ABLIM2: variants seen among roughly 807,000 people sequenced by gnomAD.
ABLIM2 encodes actin binding LIM protein family member 2.
Under a neutral mutation model 97.7 loss-of-function variants are expected in ABLIM2, and 53 were observed. That is an observed-to-expected ratio of 0.54 (90% CI 0.44 to 0.68). The LOEUF is 0.68. ABLIM2 is among the 30% of genes least tolerant of loss of function. The pLI is 0.00. For synonymous variants in ABLIM2, 361 were observed against 345.8 expected, an observed-to-expected ratio of 1.04 and a Z score of -0.49; for missense variants, 835 against 867.2, an observed-to-expected ratio of 0.96 and a Z score of 0.47.
Position 8,125,744 on chromosome 4 carries a change from G to A in ABLIM2, c.11-19107C>T, listed in dbSNP as rs2152908608. 6.6e-6 allele frequency among the ~76,000 whole-genome samples: 1 copy of A among 152,312 alleles called. No individual in the cohort carries two copies. Among genetic ancestry groups the A allele is most frequent in the African/African-American group, 2.4e-5 (1 of 41,574 alleles). Reference sequence around the variant, plus strand: ...AGCTGGAGAGGCCCGCCCAGCCTCTGCCATGGAAACTCCATCTGGGACACG... The same window carrying A: ...AGCTGGAGAGGCCCGCCCAGCCTCTACCATGGAAACTCCATCTGGGACACG... On this transcript the variant is annotated intron_variant, in intron 1 of 20. Transcript: ENST00000447017. This position sits in a 1 kb window ranked among gnomAD's most constrained non-coding sequence, Gnocchi z 6.2.
intron 1 of ABLIM2, among the ~76,000 whole-genome samples, chr4:8,118,430 T>A (rs1159883191): frequency 1.3e-5 from 2 of 152,170 alleles, no homozygotes; most frequent in African/African-American, 4.8e-5. Flanking sequence ...CAGTTTCTAA[T>A]CTGAGTCGGC....
rs1372052493 is a variant in ABLIM2, at chr4:8,044,821, G to A, written c.900+343C>T. On this transcript the variant is annotated intron_variant, in intron 9 of 20. Transcript: ENST00000447017. This position sits in a 1 kb window ranked among gnomAD's most constrained non-coding sequence, Gnocchi z 4.4. The stretch of plus-strand genomic sequence containing the variant: ...TTATTTGCAAACTCTGCAGGGTCCC[G>A]CCTGGGTGTCTGGCAAGCCCCAACT... 6.6e-6 allele frequency among the ~76,000 whole-genome samples: 1 copy of A among 152,132 alleles called. No homozygotes were observed. The highest frequency in any genetic ancestry group is 1.5e-5 in the Non-Finnish European group (1 of 68,038).
rs1004280283 is a variant in ABLIM2 at position 8,032,019 on chromosome 4, G to A, written c.1048-2243C>T. On this transcript the variant is annotated intron_variant, in intron 10 of 20. Coordinates refer to ENST00000447017, the MANE Select transcript of ABLIM2 (RefSeq NM_001130083.2). This position sits in a 1 kb window ranked among gnomAD's most constrained non-coding sequence, Gnocchi z 4.3. The stretch of plus-strand genomic sequence containing the variant: ...TGGGATTACAGGTGTGAGCCACCAC[G>A]CCCAGCCTATGAAATGTTTACAATG... Among the ~76,000 whole-genome samples, 11 of 152,024 alleles carry A rather than the reference G, an allele frequency of 7.2e-5. No individual in the cohort carries two copies. Among genetic ancestry groups the A allele is most frequent in the African/African-American group, 2.4e-4 (10 of 41,448 alleles).
intron 8 of ABLIM2, among the ~76,000 whole-genome samples, chr4:8,051,392 A>AG (rs1795961680): frequency 6.6e-6 from 1 of 151,256 alleles, no homozygotes; most frequent in Admixed American, 6.6e-5. Context: ...ACTAAAAAAA[A>AG]AAGAAAATAC....
chr4:8,133,039 G>C (rs1849650422), intron 1 of ABLIM2, among the ~76,000 whole-genome samples: 3 of 152,152 alleles, frequency 2.0e-5, no homozygotes, highest in Non-Finnish European at 2.9e-5. Context: ...AGGCTCTGGG[G>C]CTCTGGGAAG....
intron 9 of ABLIM2, 41 bp downstream of exon 9, chr4:8,045,123 C>A: frequency 6.3e-7 from 1 of 1,586,248 alleles, no homozygotes; most frequent in Non-Finnish European, 8.7e-7. Context: ...CTTCTCTCTC[C>A]ACCCTCCCAC....
At position 8,032,967 on chromosome 4, in the gene ABLIM2, T is replaced by C. The variant is rs1244303787; in HGVS notation, c.1047+3182A>G. 6.6e-6 allele frequency among the ~76,000 whole-genome samples: 1 copy of C among 152,176 alleles called. No homozygotes were observed. The highest frequency in any genetic ancestry group is 1.9e-4 in the East Asian group (1 of 5,188). Reference sequence around the variant, plus strand: ...CCTGGCCACCCCCACGTCCCACTGTTCTCCCACAAAGATGTGTTTTCCCAA... The same window carrying C: ...CCTGGCCACCCCCACGTCCCACTGTCCTCCCACAAAGATGTGTTTTCCCAA... On this transcript the variant is annotated intron_variant, in intron 10 of 20. Coordinates refer to ENST00000447017, the MANE Select transcript of ABLIM2 (RefSeq NM_001130083.2). This position sits in a 1 kb window ranked among gnomAD's most constrained non-coding sequence, Gnocchi z 4.3.
chr4:8,145,186 ATT>A (rs34290928), intron 1 of ABLIM2, among the ~76,000 whole-genome samples: 6 of 144,732 alleles, frequency 4.1e-5, no homozygotes, highest in African/African-American at 1.5e-4. Flanking sequence ...GCAGGTATTG[ATT>A]TTTTTTTTTT....
Position 8,071,857 on chromosome 4 carries a change from C to G in ABLIM2, c.675+5771G>C. On this transcript the variant is annotated intron_variant, in intron 6 of 20. Transcript: ENST00000447017. The surrounding 1 kb of genome is among the most constrained non-coding windows in gnomAD (Gnocchi z 6.2). ...AACGTGTGCCTGCGAGGGTGGACAC[C>G]CTCACCTTCAGCCAACAGTCTGTCA... The G allele has an allele frequency of 1.0e-6, 1 of 985,434 alleles. No homozygotes were observed. The highest frequency in any genetic ancestry group is 1.2e-6 in the Non-Finnish European group (1 of 829,964). The allele number at this position is 985,434 out of a possible 1,614,324, so 61.0% of individuals were successfully genotyped here. A position where few individuals can be genotyped will look rare whatever the true frequency, so the allele number is the denominator to read the frequency against.
chr4:8,073,162 C>T (rs545443907), intron 6 of ABLIM2, among the ~76,000 whole-genome samples: 29 of 149,542 alleles, frequency 1.9e-4, no homozygotes, highest in African/African-American at 6.2e-4. Context: ...GGATCAAGCA[C>T]GGCAGAGGGG....
In ABLIM2 at chr4:8,150,382, C is replaced by A. The variant is rs1712231110; in HGVS notation, c.10+8298G>T. The stretch of plus-strand genomic sequence containing the variant: ...TCCTTGGGTGTTCACGAAATGCCTC[C>A]TCTCATTCTACCTGAGTGGCTTTCA... On this transcript the variant is annotated intron_variant, in intron 1 of 20. Coordinates refer to ENST00000447017, the MANE Select transcript of ABLIM2 (RefSeq NM_001130083.2). The surrounding 1 kb of genome is among the most constrained non-coding windows in gnomAD (Gnocchi z 6.3). 6.6e-6 allele frequency among the ~76,000 whole-genome samples: 1 copy of A among 152,204 alleles called. No homozygotes were observed. Among genetic ancestry groups the A allele is most frequent in the Non-Finnish European group, 1.5e-5 (1 of 68,032 alleles).
At chr4:8,028,534 T>C (rs1201361283) in intron 11 of ABLIM2, among the ~76,000 whole-genome samples, 1 of 149,012 alleles carries the variant, frequency 6.7e-6, no homozygotes, top group East Asian at 1.9e-4. Context: ...GACTCATTCA[T>C]TAATTCATTC....
Position 7,998,330 on chromosome 4 carries a change from T to G in ABLIM2, c.1619-5403A>C, listed in dbSNP as rs1754804028. 6.6e-6 allele frequency among the ~76,000 whole-genome samples: 1 copy of G among 152,220 alleles called. No individual in the cohort carries two copies. Among genetic ancestry groups the G allele is most frequent in the Admixed American group, 6.5e-5 (1 of 15,274 alleles). ...TTAAATCCTCTATTTGAGCAGGCTGTCACCCTGTTTAGGTTTCGCGTGTAC... is the reference window on the plus strand; with the variant it reads ...TTAAATCCTCTATTTGAGCAGGCTGGCACCCTGTTTAGGTTTCGCGTGTAC... On this transcript the variant is annotated intron_variant, in intron 16 of 20. Coordinates refer to ENST00000447017, the MANE Select transcript of ABLIM2 (RefSeq NM_001130083.2). This position sits in a 1 kb window ranked among gnomAD's most constrained non-coding sequence, Gnocchi z 6.4.
Position 7,980,941 on chromosome 4 carries a change from A to ATTTTT in ABLIM2, c.1824+2318_1824+2322dup, listed in dbSNP as rs1167615555. 4.9e-4 allele frequency among the ~76,000 whole-genome samples: 41 copies of ATTTTT among 82,972 alleles called. 7 individuals are homozygous for ATTTTT. Among genetic ancestry groups the ATTTTT allele is most frequent in the East Asian group, 2.8e-3 (5 of 1,780 alleles). 54.4% of individuals were successfully genotyped at this position (82,972 alleles called of 152,430 possible). ...AGAACCATGGTCTCCACAACCCCTT[A>ATTTTT]TTTTTTTTTTTTTTTTTTTTGAGAT... On this transcript the variant is annotated intron_variant, in intron 20 of 20. Transcript: ENST00000447017.
chr4:8,084,282 G>C (rs572110873), intron 4 of ABLIM2, among the ~76,000 whole-genome samples: 32 of 152,254 alleles, frequency 2.1e-4, no homozygotes, highest in Admixed American at 2.0e-3. Context: ...AGAGCGGGAC[G>C]GGGGCTCCTG....
chr4:8,060,567 G>C (rs990069761), intron 7 of ABLIM2, among the ~76,000 whole-genome samples: 4 of 152,274 alleles, frequency 2.6e-5, no homozygotes, highest in South Asian at 4.1e-4. Flanking sequence ...GGGGTGGCTG[G>C]GGCGGGAAAC....
chr4:7,989,579 C>T, intron 17 of ABLIM2: 1 of 328,124 alleles, frequency 3.0e-6, no homozygotes, highest in Non-Finnish European at 4.4e-6. Context: ...TCTTAACTTT[C>T]ACCCTATTTG....
rs1026028867 is a variant in ABLIM2, at chr4:8,132,352, C to G, written c.11-25715G>C. On this transcript the variant is annotated intron_variant, in intron 1 of 20. Transcript: ENST00000447017. This position sits in a 1 kb window ranked among gnomAD's most constrained non-coding sequence, Gnocchi z 8.0. Reference sequence around the variant, plus strand: ...AGCTGAGAAGTAATGAGATCAGGCCCTGACACATGGGACAGGTGAGAGAGA... The same window carrying G: ...AGCTGAGAAGTAATGAGATCAGGCCGTGACACATGGGACAGGTGAGAGAGA... Among the ~76,000 whole-genome samples the G allele has an allele frequency of 1.3e-5, 2 of 152,318 alleles. No homozygotes were observed. The highest frequency in any genetic ancestry group is 1.9e-4 in the East Asian group (1 of 5,182).
intron 1 of ABLIM2, among the ~76,000 whole-genome samples, chr4:8,110,474 C>T (rs1438125119): frequency 2.0e-5 from 3 of 152,148 alleles, no homozygotes; most frequent in Non-Finnish European, 4.4e-5. Context: ...TCCACCCAGG[C>T]ATCCATCTTC....
Sources: gnomAD v4.1 joint callset for allele counts (sites outside exome capture counted in the v4.1 genomes callset) on GRCh38, gnomAD v4.1.1 for gene constraint, Gnocchi (gnomAD v3.1) non-coding constraint, MANE v1.5 for transcripts, NCBI Gene and HGNC (gene_info 2026-07-23, HGNC 2026-07-21) for gene names.